The following CPED1 variants were observed in gnomAD, a reference collection of about 807,000 sequenced individuals.
CPED1 encodes the protein cadherin-like and PC-esterase domain-containing protein 1.
Under a neutral mutation model 128.2 loss-of-function variants are expected in CPED1, and 114 were observed. The ratio of observed to expected loss-of-function variants is 0.89; its 90% CI spans 0.76 to 1.04. CPED1 has a LOEUF of 1.04. Among genes scored for constraint, CPED1 ranks in the 50% least tolerant of loss-of-function variants. CPED1 has a pLI of 0.00. For missense variants in CPED1, 1,211 were observed against 1,207.1 expected, an observed-to-expected ratio of 1.00 and a Z score of -0.05; for synonymous variants, 462 against 426.7, an observed-to-expected ratio of 1.08 and a Z score of -1.02.
At chr7:121,198,949 C>T (rs554758917) in intron 16 of CPED1, among the ~76,000 whole-genome samples, 1 of 152,226 alleles carries the variant, frequency 6.6e-6, no homozygotes, top group South Asian at 2.1e-4. Flanking sequence ...TGCCCACCAA[C>T]GAGTGGTATT....
In CPED1 at chr7:121,249,399, A is replaced by G. The variant is rs186281765; in HGVS notation, c.2310+5061A>G. On this transcript the variant is annotated intron_variant, in intron 18 of 22. Coordinates refer to ENST00000310396, the MANE Select transcript of CPED1 (RefSeq NM_024913.5). ...TCAGATTCACCAAGATCAATATAAA[A>G]GAAAAAATTTTAAAGGCAGCTTGCT... is the stretch of plus-strand genomic sequence containing the variant. Among the ~76,000 whole-genome samples the G allele has an allele frequency of 1.5e-3, 221 of 152,294 alleles. 4 individuals are homozygous for G. The highest frequency in any genetic ancestry group is 0.01 in the Middle Eastern group (3 of 294).
chr7:121,022,454 C>T (rs533838049), intron 3 of CPED1, among the ~76,000 whole-genome samples: 2 of 152,082 alleles, frequency 1.3e-5, no homozygotes, highest in East Asian at 3.9e-4. Context: ...GCTTTCAAGG[C>T]TCTCCTGTTA....
At position 121,279,805 on chromosome 7, in the gene CPED1, A is replaced by T. The variant is rs146289896; in HGVS notation, c.2868+8375A>T. ...ACTCAGAAACACAAGTATAGTAAAG[A>T]ATAAATTAATCTAGAGGCTGAAAAC... On this transcript the variant is annotated intron_variant, in intron 22 of 22. Coordinates refer to ENST00000310396, the MANE Select transcript of CPED1 (RefSeq NM_024913.5). 5.1e-4 allele frequency among the ~76,000 whole-genome samples: 78 copies of T among 152,302 alleles called. No homozygotes were observed. In the East Asian group the frequency reaches 0.014, roughly 26 times the overall value.
chr7:121,017,344 C>T (rs1373620971), intron 3 of CPED1, among the ~76,000 whole-genome samples: 1 of 152,158 alleles, frequency 6.6e-6, no homozygotes, highest in Non-Finnish European at 1.5e-5. Context: ...CTTATATTTT[C>T]ACTGGTGTTG....
intron 4 of CPED1, among the ~76,000 whole-genome samples, chr7:121,047,932 T>A (rs184220893): frequency 1.8e-4 from 27 of 152,154 alleles, no homozygotes; most frequent in African/African-American, 5.5e-4. Context: ...GGTCTCGATT[T>A]CCTGACTTCG....
intron 16 of CPED1, among the ~76,000 whole-genome samples, chr7:121,204,260 G>A (rs935634048): frequency 1.3e-5 from 2 of 152,208 alleles, no homozygotes; most frequent in African/African-American, 4.8e-5. Flanking sequence ...AGACTGAGCA[G>A]ATTGGAAGTC....
At chr7:121,230,696 CAA>C (rs1008829647) in intron 16 of CPED1, among the ~76,000 whole-genome samples, 1 of 151,912 alleles carries the variant, frequency 6.6e-6, no homozygotes, top group Non-Finnish European at 1.5e-5. Flanking sequence ...GAAGAAGAAA[CAA>C]GAGAGGAGAA....
chr7:121,188,208 T>C (rs1797048472), intron 16 of CPED1, among the ~76,000 whole-genome samples: 1 of 152,282 alleles, frequency 6.6e-6, no homozygotes, highest in South Asian at 2.1e-4. Context: ...AGTAGAAGTT[T>C]AGATAAAATA....
intron 5 of CPED1, among the ~76,000 whole-genome samples, chr7:121,077,932 A>G (rs1794175992): frequency 6.6e-6 from 1 of 152,016 alleles, no homozygotes; most frequent in Admixed American, 6.6e-5. Flanking sequence ...CTCAGAAGTA[A>G]TTAGAATTTA....
chr7:121,204,173 G>A (rs914057053), intron 16 of CPED1, among the ~76,000 whole-genome samples: 2 of 152,076 alleles, frequency 1.3e-5, no homozygotes, highest in African/African-American at 4.8e-5. Context: ...CAAAATTGGA[G>A]AAGGGGCCAC....
chr7:121,177,687 C>A (rs531535893), intron 16 of CPED1, among the ~76,000 whole-genome samples: 25 of 152,146 alleles, frequency 1.6e-4, no homozygotes, highest in African/African-American at 5.8e-4. Flanking sequence ...TGCTGTACTG[C>A]AGCTTGGCAA....
chr7:121,017,450 A>G (rs937216406), intron 3 of CPED1, among the ~76,000 whole-genome samples: 6 of 152,242 alleles, frequency 3.9e-5, no homozygotes, highest in African/African-American at 1.4e-4. Context: ...AAAGAAAAAA[A>G]TATGAAATGT....
chr7:121,284,921 G>A (rs1272832365), intron 22 of CPED1, among the ~76,000 whole-genome samples: 1 of 152,190 alleles, frequency 6.6e-6, no homozygotes, highest in South Asian at 2.1e-4. Context: ...ATTCAGCAGT[G>A]CCCCAGTGGG....
At chr7:121,133,774 C>A in intron 12 of CPED1, 49 bp from the exon 13 acceptor site, 1 of 1,219,964 alleles carries the variant, frequency 8.2e-7, no homozygotes, top group South Asian at 1.3e-5. Flanking sequence ...AATTTCCACG[C>A]GTTTTGTTCA....
At chr7:121,025,498 A>G (rs1196649463) in intron 3 of CPED1, among the ~76,000 whole-genome samples, 4 of 152,108 alleles carry the variant, frequency 2.6e-5, no homozygotes, top group Admixed American at 1.3e-4. Flanking sequence ...CACTGAGGTA[A>G]TTTCTCAGTT....
chr7:121,236,323 TA>T (rs908043272), intron 16 of CPED1, among the ~76,000 whole-genome samples: 157 of 152,276 alleles, frequency 1.0e-3, no homozygotes, highest in African/African-American at 3.7e-3. Flanking sequence ...AAAAGTTTGT[TA>T]AAATGAAATT....
At chr7:121,238,200 A>T (rs1319991889) in intron 17 of CPED1, among the ~76,000 whole-genome samples, 12 of 152,158 alleles carry the variant, frequency 7.9e-5, no homozygotes. Flanking sequence ...TGAGGCCGCC[A>T]TAGAACGGTG....
At chr7:121,117,627 G>A (rs936709392) in intron 7 of CPED1, among the ~76,000 whole-genome samples, 1 of 151,974 alleles carries the variant, frequency 6.6e-6, no homozygotes, top group Non-Finnish European at 1.5e-5. Context: ...TTTTGGAGTG[G>A]AGGCAGGCAG....
intron 18 of CPED1, among the ~76,000 whole-genome samples, chr7:121,260,109 G>C (rs992992539): frequency 6.6e-6 from 1 of 151,108 alleles, no homozygotes; most frequent in African/African-American, 2.4e-5. Flanking sequence ...GCCCTCCTTC[G>C]CATTCAATAA....
Sources: gnomAD v4.1 joint callset for allele counts (sites outside exome capture counted in the v4.1 genomes callset) on GRCh38, gnomAD v4.1.1 for gene constraint, MANE v1.5 for transcripts, NCBI Gene and HGNC (gene_info 2026-07-23, HGNC 2026-07-21) for gene names.